The following TOX variants were observed in gnomAD, a reference collection of about 807,000 sequenced individuals.
TOX encodes thymocyte selection-associated high mobility group box protein TOX.
A neutral mutation model predicts 53.7 loss-of-function variants in TOX; 11 were observed. The observed-to-expected ratio is 0.20, with a 90% CI of 0.13 to 0.34. TOX has a LOEUF of 0.34. Among genes scored for constraint, TOX ranks in the 10% least tolerant of loss-of-function variants. The pLI is 1.00. For synonymous variants in TOX, 225 were observed against 245.3 expected (o/e 0.92, Z 0.77); for missense variants, 570 against 664.6 (o/e 0.86, Z 1.56).
chr8:58,914,567 G>A (rs1160168198), intron 3 of TOX, among the ~76,000 whole-genome samples: 1 of 152,132 alleles, frequency 6.6e-6, no homozygotes. Flanking sequence ...CAGAAATACT[G>A]GCATCTAATG....
rs551418773 is a variant in TOX at position 58,980,042 on chromosome 8, T to C, written c.103-20034A>G. Among the ~76,000 whole-genome samples, 4 of 152,366 alleles carry C rather than the reference T, an allele frequency of 2.6e-5. 1 individual carries two copies. The South Asian group carries it at 8.3e-4, about 32-fold the overall frequency. On this transcript the variant is annotated intron_variant, in intron 1 of 8. Coordinates refer to ENST00000361421, the MANE Select transcript of TOX (RefSeq NM_014729.3). The stretch of plus-strand genomic sequence containing the variant: ...AAAATGGATTTGGGAGATGGTTGCA[T>C]AGCTCTGTAAATTTAATAAAAAATC...
chr8:58,977,769 G>T (rs552666369), intron 1 of TOX, among the ~76,000 whole-genome samples: 5 of 152,282 alleles, frequency 3.3e-5, no homozygotes, highest in African/African-American at 1.2e-4. Flanking sequence ...GCAGTGGTCA[G>T]AACACACACA....
At chr8:58,889,528 A>G (rs1383113763) in intron 3 of TOX, among the ~76,000 whole-genome samples, 1 of 152,110 alleles carries the variant, frequency 6.6e-6, no homozygotes, top group Non-Finnish European at 1.5e-5. Flanking sequence ...GCTGGAAGGT[A>G]AGAATGGGAT....
chr8:59,083,567 T>C (rs1046738398), intron 1 of TOX, among the ~76,000 whole-genome samples: 1 of 152,182 alleles, frequency 6.6e-6, no homozygotes, highest in African/African-American at 2.4e-5. Flanking sequence ...TTGAGAAAGC[T>C]TGGAGAATGA....
At chr8:58,991,890 A>ATGGCCC (rs1236561049) in intron 1 of TOX, 2 of 152,310 alleles carry the variant, frequency 1.3e-5, no homozygotes, top group Non-Finnish European at 2.9e-5. Context: ...TGGGAGCAGC[A>ATGGCCC]TGATTTACAG....
intron 1 of TOX, among the ~76,000 whole-genome samples, chr8:59,064,952 G>T: frequency 6.6e-6 from 1 of 151,718 alleles, no homozygotes; most frequent in African/African-American, 2.4e-5. Flanking sequence ...CCACTTGAGG[G>T]GGCTTTTTAA....
intron 1 of TOX, among the ~76,000 whole-genome samples, chr8:59,067,043 G>GAGTT (rs2129422318): frequency 6.6e-6 from 1 of 152,190 alleles, no homozygotes; most frequent in African/African-American, 2.4e-5. Context: ...GTGAAATACT[G>GAGTT]AGTTACATAC....
chr8:59,012,873 G>A (rs1813933696), intron 1 of TOX, among the ~76,000 whole-genome samples: 1 of 147,180 alleles, frequency 6.8e-6, no homozygotes. Context: ...GACACCTCCT[G>A]TTCCCAGACA....
At chr8:59,032,769 G>T (rs1411768583) in intron 1 of TOX, among the ~76,000 whole-genome samples, 4 of 152,154 alleles carry the variant, frequency 2.6e-5, no homozygotes, top group Non-Finnish European at 5.9e-5. Flanking sequence ...GGAGGCTGAG[G>T]CAGGTAGATC....
intron 1 of TOX, among the ~76,000 whole-genome samples, chr8:59,019,799 A>G (rs1814087743): frequency 6.6e-6 from 1 of 152,212 alleles, no homozygotes; most frequent in South Asian, 2.1e-4. Flanking sequence ...TGGAATCATT[A>G]CAGATTATCA....
At chr8:58,906,929 C>T (rs971606419) in intron 3 of TOX, among the ~76,000 whole-genome samples, 1 of 152,222 alleles carries the variant, frequency 6.6e-6, no homozygotes, top group Non-Finnish European at 1.5e-5. Flanking sequence ...TCTGGCAACA[C>T]TGTTTCTGAT....
At chr8:58,914,853 C>A (rs961139364) in intron 3 of TOX, among the ~76,000 whole-genome samples, 1 of 151,750 alleles carries the variant, frequency 6.6e-6, no homozygotes, top group Non-Finnish European at 1.5e-5. Context: ...GCGCACCGTG[C>A]GCGAGCCGAA....
intron 1 of TOX, among the ~76,000 whole-genome samples, chr8:58,993,139 C>G (rs1400289086): frequency 1.3e-5 from 2 of 151,990 alleles, no homozygotes; most frequent in African/African-American, 4.8e-5. Flanking sequence ...GAAGAGTAAC[C>G]GTCCTGTTCT....
chr8:59,029,102 TTTCAAAATGAAAACAAATGGCACTATAA>T (rs1814301397), intron 1 of TOX, among the ~76,000 whole-genome samples: 5 of 152,160 alleles, frequency 3.3e-5, no homozygotes, highest in Admixed American at 3.3e-4. Flanking sequence ...TTGTTTTTAT[TTTCAAAATGAAAACAAATGGCACTATAA>T]TTCCTAAGGG....
intron 1 of TOX, among the ~76,000 whole-genome samples, chr8:59,014,109 G>C (rs1813965473): frequency 6.6e-6 from 1 of 152,142 alleles, no homozygotes; most frequent in Non-Finnish European, 1.5e-5. Flanking sequence ...TAATCATCCA[G>C]CATCTTTAAA....
intron 1 of TOX, among the ~76,000 whole-genome samples, chr8:58,990,242 G>A (rs1813415782): frequency 6.6e-6 from 1 of 152,126 alleles, no homozygotes; most frequent in African/African-American, 2.4e-5. Flanking sequence ...AGCTGGGATA[G>A]AAATTCAGAT....
At chr8:59,002,569 C>T (rs1813712511) in intron 1 of TOX, among the ~76,000 whole-genome samples, 1 of 149,156 alleles carries the variant, frequency 6.7e-6, no homozygotes, top group African/African-American at 2.4e-5. Context: ...CCAGCCTGGG[C>T]AACACAGCAA....
chr8:58,969,113 T>C (rs1320795928), intron 1 of TOX, among the ~76,000 whole-genome samples: 1 of 152,198 alleles, frequency 6.6e-6, no homozygotes, highest in African/African-American at 2.4e-5. Flanking sequence ...AATAGACTTT[T>C]GGTGATTAAA....
intron 1 of TOX, among the ~76,000 whole-genome samples, chr8:58,980,340 G>T (rs556193118): frequency 6.6e-6 from 1 of 152,166 alleles, no homozygotes; most frequent in African/African-American, 2.4e-5. Flanking sequence ...GGGAGCTGCC[G>T]CTTGGCCTGT....
Sources: gnomAD v4.1 joint callset for allele counts (sites outside exome capture counted in the v4.1 genomes callset) on GRCh38, gnomAD v4.1.1 for gene constraint, MANE v1.5 for transcripts, NCBI Gene and HGNC (gene_info 2026-07-23, HGNC 2026-07-21) for gene names.